Variants in PRTFDC1 observed in about 807,000 individuals in gnomAD.
PRTFDC1 encodes phosphoribosyltransferase domain-containing protein 1.
Under a neutral mutation model 34.6 loss-of-function variants are expected in PRTFDC1, and 38 were observed. The observed-to-expected ratio is 1.10, with a 90% CI of 0.85 to 1.44. The LOEUF is 1.44. PRTFDC1 is among the 40% of genes most tolerant of loss of function. PRTFDC1 has a pLI of 0.00. For missense variants in PRTFDC1, 270 were observed against 283.0 expected (o/e 0.95, Z 0.33); for synonymous variants, 93 against 98.1 (o/e 0.95, Z 0.31).
chr10:24,944,018 A>C (rs1398402660), intron 1 of PRTFDC1, among the ~76,000 whole-genome samples: 1 of 151,904 alleles, frequency 6.6e-6, no homozygotes, highest in African/African-American at 2.4e-5. Context: ...GATCCTTCCC[A>C]GCTCTGGGTT....
intron 3 of PRTFDC1, among the ~76,000 whole-genome samples, chr10:24,902,542 G>GA (rs1192756827): frequency 1.3e-5 from 2 of 152,192 alleles, no homozygotes; most frequent in Non-Finnish European, 2.9e-5. Flanking sequence ...ACCAAGACTA[G>GA]AATCTCCTCC....
intron 3 of PRTFDC1, among the ~76,000 whole-genome samples, chr10:24,895,688 G>GAGATATATAT (rs1491335198): frequency 2.1e-5 from 1 of 47,382 alleles, no homozygotes; most frequent in African/African-American, 7.1e-5. Flanking sequence ...AGCTGGGGTG[G>GAGATATATAT]ATATATATAT....
intron 3 of PRTFDC1, among the ~76,000 whole-genome samples, chr10:24,926,532 A>G (rs531985380): frequency 1.2e-4 from 19 of 152,326 alleles, no homozygotes; most frequent in Admixed American, 3.9e-4. Flanking sequence ...TATTTTCAGT[A>G]GAGCTGGCAT....
At chr10:24,928,234 A>C (rs1848911194) in intron 3 of PRTFDC1, among the ~76,000 whole-genome samples, 1 of 150,716 alleles carries the variant, frequency 6.6e-6, no homozygotes, top group African/African-American at 2.4e-5. Flanking sequence ...CTATTTCTTT[A>C]TTTTTCCTCT....
rs191522292 is a variant in PRTFDC1, at chr10:24,928,065, C to A, written c.339+9119G>T. On this transcript the variant is annotated intron_variant, in intron 3 of 8. Transcript: ENST00000320152. ...ATCAAGATGCATCTTACATACAATC[C>A]ATGTCAAATCATGGCTTAATTTAGA... 2.6e-3 allele frequency among the ~76,000 whole-genome samples: 394 copies of A among 152,236 alleles called. 2 individuals are homozygous for A. Among genetic ancestry groups the A allele is most frequent in the Middle Eastern group, 6.8e-3 (2 of 294 alleles).
chr10:24,854,652 TTA>T (rs1386242670), intron 7 of PRTFDC1, among the ~76,000 whole-genome samples: 1 of 152,136 alleles, frequency 6.6e-6, no homozygotes, highest in Non-Finnish European at 1.5e-5. Context: ...ACTAGGCTTA[TTA>T]TGGGGAGAAG....
In PRTFDC1 at chr10:24,866,792, A is replaced by AAG. The variant is rs111304267; in HGVS notation, c.405+5204_405+5205dup. Among the ~76,000 whole-genome samples the AAG allele has an allele frequency of 2.7e-4, 40 of 148,510 alleles. 1 individual carries two copies. Among genetic ancestry groups the AAG allele is most frequent in the Admixed American group, 5.3e-4 (8 of 14,958 alleles). On this transcript the variant is annotated intron_variant, in intron 4 of 8. Coordinates refer to ENST00000320152, the MANE Select transcript of PRTFDC1 (RefSeq NM_020200.7). ...TCCTTTCCTTGGAAGAAAAGAAAGA[A>AAG]AGAGAGAGAGAGAGAGAGAAAAGAA... is the stretch of plus-strand genomic sequence containing the variant.
At chr10:24,912,538 T>A (rs1054551406) in intron 3 of PRTFDC1, among the ~76,000 whole-genome samples, 1 of 152,100 alleles carries the variant, frequency 6.6e-6, no homozygotes, top group Non-Finnish European at 1.5e-5. Context: ...TTATATGTCA[T>A]TTTTGGTAGA....
chr10:24,911,765 G>A (rs1006185676), intron 3 of PRTFDC1, among the ~76,000 whole-genome samples: 1 of 152,074 alleles, frequency 6.6e-6, no homozygotes, highest in Admixed American at 6.6e-5. Flanking sequence ...TATTCAGGAG[G>A]CTGAGGCAGG....
chr10:24,904,020 G>A (rs948444144), intron 3 of PRTFDC1, among the ~76,000 whole-genome samples: 2 of 151,918 alleles, frequency 1.3e-5, no homozygotes, highest in Admixed American at 1.3e-4. Context: ...TATTTGAAGA[G>A]GGTCACTGAG....
intron 2 of PRTFDC1, among the ~76,000 whole-genome samples, chr10:24,940,834 C>A (rs149848917): frequency 3.9e-5 from 6 of 152,076 alleles, no homozygotes; most frequent in African/African-American, 1.4e-4. Flanking sequence ...GATTTTCTTA[C>A]GCAAAATGGC....
intron 1 of PRTFDC1, among the ~76,000 whole-genome samples, chr10:24,948,145 T>TG (rs35620398): frequency 2.0e-5 from 3 of 151,998 alleles, no homozygotes; most frequent in East Asian, 1.9e-4. Flanking sequence ...CGTATTTTCA[T>TG]GGGGGGTGAC....
chr10:24,880,807 GTCTTTCTCTT>G (rs1288521721), intron 3 of PRTFDC1, among the ~76,000 whole-genome samples: 57 of 140,192 alleles, frequency 4.1e-4, no homozygotes, highest in Admixed American at 3.3e-3. Flanking sequence ...CCACTTTACT[GTCTTTCTCTT>G]TCTTTCTTTC....
At chr10:24,893,447 AC>A (rs1370773599) in intron 3 of PRTFDC1, among the ~76,000 whole-genome samples, 2 of 150,434 alleles carry the variant, frequency 1.3e-5, no homozygotes, top group Non-Finnish European at 3.0e-5. Context: ...TGCCACCACA[AC>A]CAGTTAGTGT....
intron 3 of PRTFDC1, among the ~76,000 whole-genome samples, chr10:24,933,539 T>G (rs1849000782): frequency 2.0e-5 from 3 of 152,122 alleles, no homozygotes; most frequent in Admixed American, 1.3e-4. Context: ...AACCACAATG[T>G]GATATCATCA....
intron 3 of PRTFDC1, among the ~76,000 whole-genome samples, chr10:24,898,197 T>C (rs1430773347): frequency 1.4e-5 from 2 of 147,192 alleles, no homozygotes; most frequent in Admixed American, 7.0e-5. Flanking sequence ...ACACCTGTAA[T>C]CTCAGCACTC....
At chr10:24,941,779 G>A (rs965998492) in intron 2 of PRTFDC1, among the ~76,000 whole-genome samples, 1 of 152,092 alleles carries the variant, frequency 6.6e-6, no homozygotes, top group Non-Finnish European at 1.5e-5. Flanking sequence ...TGGTATTAAG[G>A]GAAATCTCTT....
chr10:24,881,306 G>A (rs890614082), intron 3 of PRTFDC1, among the ~76,000 whole-genome samples: 2 of 152,060 alleles, frequency 1.3e-5, no homozygotes, highest in African/African-American at 4.8e-5. Flanking sequence ...CTGGCCTCAA[G>A]TGATCCTCCT....
At chr10:24,925,363 A>C (rs1374178274) in intron 3 of PRTFDC1, among the ~76,000 whole-genome samples, 1 of 152,106 alleles carries the variant, frequency 6.6e-6, no homozygotes, top group Non-Finnish European at 1.5e-5. Context: ...AGGAGAAATA[A>C]CTAATGTAAA....
Sources: allele counts gnomAD v4.1 joint callset (sites outside exome capture counted in the v4.1 genomes callset), GRCh38; gene constraint gnomAD v4.1.1; transcripts MANE v1.5; gene names NCBI Gene and HGNC (gene_info 2026-07-23, HGNC 2026-07-21).